Variants in SUN5 observed in about 807,000 individuals in gnomAD.
SUN5 encodes SUN domain-containing protein 5.
A neutral mutation model predicts 53.7 loss-of-function variants in SUN5; 44 were observed. The ratio of observed to expected loss-of-function variants is 0.82; its 90% CI spans 0.64 to 1.05. The LOEUF is 1.05. Ranked by LOEUF, SUN5 falls within the 50% of genes least tolerant of loss-of-function variation. The pLI is 0.00. For synonymous variants in SUN5, 166 were observed against 179.8 expected (o/e 0.92, Z 0.62); for missense variants, 433 against 483.8 (o/e 0.90, Z 0.98).
At chr20:33,000,207 A>C in intron 4 of SUN5, 72 bp from the exon 5 acceptor site, 1 of 1,503,682 alleles carries the variant, frequency 6.7e-7, no homozygotes, top group Non-Finnish European at 8.9e-7. Context: ...CCTCCTCGTC[A>C]CTCTCTTTCT....
At chr20:32,983,973 G>A (rs1473273806) in intron 12 of SUN5, 24 bp from the exon 13 acceptor site, 1 of 1,534,194 alleles carries the variant, frequency 6.5e-7, no homozygotes, top group Non-Finnish European at 8.8e-7. Flanking sequence ...AGTCACAGAG[G>A]CAGCTCACCC....
At chr20:32,989,524 G>A (rs1325296411) in intron 9 of SUN5, 96 bp downstream of exon 9, 33 of 984,746 alleles carry the variant, frequency 3.4e-5, no homozygotes, top group South Asian at 9.4e-5. Context: ...ACTTCCCAGC[G>A]GCAGAGGGAG....
At chr20:32,995,224 C>T (rs900479253) in intron 8 of SUN5, among the ~76,000 whole-genome samples, 1 of 152,142 alleles carries the variant, frequency 6.6e-6, no homozygotes, top group Non-Finnish European at 1.5e-5. Context: ...ATATGAGGAA[C>T]ATTAGAGACA....
intron 8 of SUN5, among the ~76,000 whole-genome samples, chr20:32,993,284 C>G (rs1989754122): frequency 6.6e-6 from 1 of 152,176 alleles, no homozygotes; most frequent in Non-Finnish European, 1.5e-5. Flanking sequence ...GTGGAAGCAA[C>G]AAGGACCAGA....
chr20:32,988,080 AT>A (rs954954668), intron 9 of SUN5, among the ~76,000 whole-genome samples: 1 of 151,908 alleles, frequency 6.6e-6, no homozygotes, highest in African/African-American at 2.4e-5. Flanking sequence ...GGTGGCTATT[AT>A]TAGCAGAGCC....
At chr20:33,000,868 C>T (rs1480834718) in intron 4 of SUN5, among the ~76,000 whole-genome samples, 1 of 149,368 alleles carries the variant, frequency 6.7e-6, no homozygotes, top group Non-Finnish European at 1.5e-5. Flanking sequence ...AAAAAGTTAA[C>T]AGCACGTGCA....
At chr20:32,998,244 C>T (rs1989906871) in intron 5 of SUN5, among the ~76,000 whole-genome samples, 1 of 151,436 alleles carries the variant, frequency 6.6e-6, no homozygotes, top group Non-Finnish European at 1.5e-5. Context: ...GTCCCAGCTA[C>T]CCGGAGGCCG....
In SUN5 at chr20:32,996,332, C is replaced by G; in HGVS notation, c.417G>C (p.Gln139His). Reference sequence around the variant, plus strand: ...CAGAAGATTCCTCTTACCTCAAGCTCTGCAGTGGACCATTTATGCTGTCAT... The same window carrying G: ...CAGAAGATTCCTCTTACCTCAAGCTGTGCAGTGGACCATTTATGCTGTCAT... ...WQDDSINGPLQSLRLYQEKVR... is the reference protein window; with the variant it reads ...WQDDSINGPLHSLRLYQEKVR... The change falls in exon 7 of 13, where the codon CAG becomes CAC. Residue 139 changes from glutamine (Q) to histidine (H), a missense_variant. By Grantham distance (24) the Gln-to-His change is conservative. Coordinates refer to ENST00000356173, the MANE Select transcript of SUN5 (RefSeq NM_080675.4). 6.2e-7 allele frequency: 1 copy of G among 1,613,396 alleles called. No individual in the cohort carries two copies. The highest frequency in any genetic ancestry group is 8.5e-7 in the Non-Finnish European group (1 of 1,179,496).
intron 9 of SUN5, among the ~76,000 whole-genome samples, chr20:32,988,218 C>G (rs931114057): frequency 6.6e-6 from 1 of 152,154 alleles, no homozygotes; most frequent in African/African-American, 2.4e-5. Flanking sequence ...TGATGACGAC[C>G]GACACCCATT....
chr20:33,003,092 TC>T (rs1376982698), intron 1 of SUN5, among the ~76,000 whole-genome samples, 173 bp from the exon 2 acceptor site: 3 of 152,188 alleles, frequency 2.0e-5, no homozygotes, highest in African/African-American at 7.2e-5. Context: ...AATCCAGGTA[TC>T]CATCAAGGAA....
intron 8 of SUN5, 122 bp downstream of exon 8, chr20:32,995,497 C>G: frequency 2.6e-6 from 2 of 758,874 alleles, no homozygotes; most frequent in Non-Finnish European, 4.4e-6. Flanking sequence ...TCCTGAAAGT[C>G]ACTGGGGGAT....
chr20:32,999,354 G>A (rs1989936655), intron 5 of SUN5, among the ~76,000 whole-genome samples: 1 of 152,188 alleles, frequency 6.6e-6, no homozygotes, highest in African/African-American at 2.4e-5. Context: ...CAGCACTTTG[G>A]GAGGCCAAGG....
chr20:32,999,387 G>A (rs1018508151), intron 5 of SUN5, among the ~76,000 whole-genome samples: 3 of 152,194 alleles, frequency 2.0e-5, no homozygotes, highest in Non-Finnish European at 4.4e-5. Context: ...GAGGTCAGGA[G>A]TTCAAGACCA....
intron 12 of SUN5, among the ~76,000 whole-genome samples, 165 bp downstream of exon 12, chr20:32,984,934 G>C (rs1432427944): frequency 6.6e-6 from 1 of 152,226 alleles, no homozygotes; most frequent in Non-Finnish European, 1.5e-5. Context: ...TTGGCCCTGG[G>C]TAGCGGCTCC....
chr20:32,997,765 G>C, intron 5 of SUN5, 78 bp from the exon 6 acceptor site: 1 of 1,531,572 alleles, frequency 6.5e-7, no homozygotes, highest in Non-Finnish European at 9.0e-7. Flanking sequence ...AGGACATCTG[G>C]GTTCAAATCC....
At chr20:32,984,714 C>G (rs1989487510) in intron 12 of SUN5, among the ~76,000 whole-genome samples, 1 of 152,238 alleles carries the variant, frequency 6.6e-6, no homozygotes, top group Non-Finnish European at 1.5e-5. Flanking sequence ...TCCTTCAGGC[C>G]TCAGTTTCCC....
chr20:32,991,970 G>T (rs1411277899), intron 8 of SUN5, among the ~76,000 whole-genome samples: 5 of 152,198 alleles, frequency 3.3e-5, no homozygotes, highest in Admixed American at 2.0e-4. Context: ...CAGCAGAAAG[G>T]TTCCCAGTTG....
At chr20:32,993,876 T>C (rs1309309973) in intron 8 of SUN5, among the ~76,000 whole-genome samples, 1 of 152,234 alleles carries the variant, frequency 6.6e-6, no homozygotes, top group Non-Finnish European at 1.5e-5. Flanking sequence ...TGGGCCGTAC[T>C]TTGAGATCCA....
chr20:32,997,959 C>G (rs1313824003), intron 5 of SUN5, among the ~76,000 whole-genome samples: 1 of 152,146 alleles, frequency 6.6e-6, no homozygotes, highest in Non-Finnish European at 1.5e-5. Flanking sequence ...TGTTCCAACT[C>G]TACTGGGGAT....
Sources: allele counts gnomAD v4.1 joint callset (sites outside exome capture counted in the v4.1 genomes callset), GRCh38; gene constraint gnomAD v4.1.1; transcripts MANE v1.5; gene names NCBI Gene and HGNC (gene_info 2026-07-23, HGNC 2026-07-21).